The following RYR2 variants were observed in gnomAD, a reference collection of about 807,000 sequenced individuals.
The protein encoded by RYR2 is ryanodine receptor 2, also known as cardiac muscle ryanodine receptor-calcium release channel.
A neutral mutation model predicts 601.1 loss-of-function variants in RYR2; 227 were observed. That is an observed-to-expected ratio of 0.38 (90% CI 0.34 to 0.42). The LOEUF (loss-of-function observed/expected upper bound fraction) is 0.42. Among genes scored for constraint, RYR2 ranks in the 10% least tolerant of loss-of-function variants. The pLI is 1.00. For missense variants in RYR2, 4,646 were observed against 6,156.5 expected (o/e 0.75, Z 8.21); for synonymous variants, 2,223 against 2,175.1 (o/e 1.02, Z -0.61).
chr1:237,353,352 T>C (rs1469128899), intron 3 of RYR2, among the ~76,000 whole-genome samples: 1 of 151,682 alleles, frequency 6.6e-6, no homozygotes, highest in East Asian at 1.9e-4. Context: ...CTACTAAAAA[T>C]ACAAAAATTA....
Position 237,572,045 on chromosome 1 carries a change from C to T in RYR2, c.3598+2726C>T, listed in dbSNP as rs1046025185. On this transcript the variant is annotated intron_variant, in intron 29 of 104. Coordinates refer to ENST00000366574, the MANE Select transcript of RYR2 (RefSeq NM_001035.3). ...GTGCTATCAAATATTAGGTCTTATTCATTTTTTCTAACTATTTTTATACCC... is the reference window on the plus strand; with the variant it reads ...GTGCTATCAAATATTAGGTCTTATTTATTTTTTCTAACTATTTTTATACCC... Among the ~76,000 whole-genome samples the T allele has an allele frequency of 3.3e-5, 5 of 152,260 alleles. 1 individual carries two copies. The highest frequency in any genetic ancestry group is 2.6e-4 in the Admixed American group (4 of 15,288).
At chr1:237,521,284 T>A (rs1480470155) in intron 24 of RYR2, among the ~76,000 whole-genome samples, 1 of 152,140 alleles carries the variant, frequency 6.6e-6, no homozygotes, top group African/African-American at 2.4e-5. Context: ...CTGATTAACA[T>A]AGACACAACA....
chr1:237,638,949 A>T (rs1681160732), intron 45 of RYR2, 66 bp from the exon 46 acceptor site: 4 of 1,535,816 alleles, frequency 2.6e-6, no homozygotes, highest in Non-Finnish European at 3.6e-6. Context: ...GATTAGTATA[A>T]CATTTATTTG....
At chr1:237,314,496 G>A (rs540143075) in intron 2 of RYR2, among the ~76,000 whole-genome samples, 3 of 152,176 alleles carry the variant, frequency 2.0e-5, no homozygotes, top group African/African-American at 7.2e-5. Context: ...TTAAAAAGTG[G>A]TACTAGCCTT....
intron 27 of RYR2, among the ~76,000 whole-genome samples, chr1:237,559,683 C>T (rs1408562120): frequency 6.6e-6 from 1 of 152,200 alleles, no homozygotes; most frequent in African/African-American, 2.4e-5. Flanking sequence ...CTGCTTTTTA[C>T]CCCTTTATGT....
At position 237,656,929 on chromosome 1, in the gene RYR2, G is replaced by A. The variant is rs111951883; in HGVS notation, c.8129+945G>A. On this transcript the variant is annotated intron_variant, in intron 53 of 104. Transcript: ENST00000366574. ...ATGATTGATCTTTTGTATCTCTTCCGAAGTAAGTAAACCAAACTATCACAT... is the reference window on the plus strand; with the variant it reads ...ATGATTGATCTTTTGTATCTCTTCCAAAGTAAGTAAACCAAACTATCACAT... 4.8e-3 allele frequency among the ~76,000 whole-genome samples: 734 copies of A among 152,226 alleles called. 3 individuals are homozygous for A. The highest frequency in any genetic ancestry group is 0.021 in the East Asian group (110 of 5,184).
rs1426151116 is a variant in RYR2 at position 237,650,105 on chromosome 1, G to C, written c.7733+8G>C. The C allele has an allele frequency of 6.2e-7, 1 of 1,607,292 alleles. No individual in the cohort carries two copies. On this transcript the variant is annotated splice_region_variant and intron_variant, in intron 50 of 104. Transcript: ENST00000366574. ...TTTACTCTCTATTTGTGGGTGAGTG[G>C]ATAACAAATTCTATTCCGGCTTCTT...
chr1:237,506,159 CT>C (rs1296339827), intron 22 of RYR2, among the ~76,000 whole-genome samples: 8 of 101,174 alleles, frequency 7.9e-5, no homozygotes, highest in Non-Finnish European at 1.8e-4. Context: ...CCCACCAACA[CT>C]CCTTTTTTTT....
At position 237,481,134 on chromosome 1, in the gene RYR2, A is replaced by G. The variant is rs1662043883; in HGVS notation, c.1709-10672A>G. ...TATATATATATATATATACACACAC[A>G]TATATATATTCATATCAATTTATTT... On this transcript the variant is annotated intron_variant, in intron 17 of 104. Coordinates refer to ENST00000366574, the MANE Select transcript of RYR2 (RefSeq NM_001035.3). Among the ~76,000 whole-genome samples the G allele has an allele frequency of 4.4e-5, 6 of 135,258 alleles. No individual in the cohort carries two copies. In the South Asian group the frequency reaches 1.3e-3, roughly 30 times the overall value. 88.7% of individuals were successfully genotyped at this position (135,258 alleles called of 152,430 possible).
intron 54 of RYR2, among the ~76,000 whole-genome samples, chr1:237,659,369 A>G (rs1368734231): frequency 6.6e-6 from 1 of 152,228 alleles, no homozygotes; most frequent in Admixed American, 6.5e-5. Flanking sequence ...TTCCAGTCTA[A>G]TTACTCAGAT....
At chr1:237,344,625 G>T (rs538963993) in intron 3 of RYR2, among the ~76,000 whole-genome samples, 1 of 151,936 alleles carries the variant, frequency 6.6e-6, no homozygotes, top group Non-Finnish European at 1.5e-5. Flanking sequence ...ATTTCTACTC[G>T]TAGAGTTCCT....
At chr1:237,593,025 A>G (rs1675400844) in intron 32 of RYR2, among the ~76,000 whole-genome samples, 1 of 151,908 alleles carries the variant, frequency 6.6e-6, no homozygotes, top group Non-Finnish European at 1.5e-5. Flanking sequence ...TATCTCAAAA[A>G]AAAAAAAAAA....
chr1:237,592,429 T>G (rs1675307235), intron 32 of RYR2, among the ~76,000 whole-genome samples: 2 of 151,980 alleles, frequency 1.3e-5, no homozygotes, highest in African/African-American at 4.8e-5. Flanking sequence ...GGTCAAGAGT[T>G]CAAGACCAGC....
chr1:237,610,674 C>T lies in RYR2; in HGVS notation c.4684-88C>T. 1 of 1,067,692 alleles carries T rather than the reference C, an allele frequency of 9.4e-7. No homozygotes were observed. Among genetic ancestry groups the T allele is most frequent in the Non-Finnish European group, 1.4e-6 (1 of 729,964 alleles). 66.1% of individuals were successfully genotyped at this position (1,067,692 alleles called of 1,614,324 possible). ...CATAGGGTTATCTTACTTTCCCTGT[C>T]TCTGTCCTGTGCAGAATTCTAGTCA... On this transcript the variant is annotated intron_variant, in intron 35 of 104. Transcript: ENST00000366574. The surrounding 1 kb of genome is among the most constrained non-coding windows in gnomAD (Gnocchi z 4.9).
intron 3 of RYR2, among the ~76,000 whole-genome samples, chr1:237,334,111 T>C (rs112932479): frequency 8.3e-4 from 126 of 152,350 alleles, no homozygotes; most frequent in African/African-American, 2.9e-3. Flanking sequence ...TTTTTCCATT[T>C]AGAACCATGC....
chr1:237,522,432 T>C (rs1446485101), intron 24 of RYR2, among the ~76,000 whole-genome samples: 1 of 152,234 alleles, frequency 6.6e-6, no homozygotes, highest in Non-Finnish European at 1.5e-5. Flanking sequence ...TTGCCAGATC[T>C]AAGGTCAGGT....
rs1443388921 is a variant in RYR2 at position 237,614,883 on chromosome 1, TA to T, written c.5715+42del. The T allele has an allele frequency of 2.6e-6, 4 of 1,520,538 alleles. No individual in the cohort carries two copies. Among genetic ancestry groups the T allele is most frequent in the Non-Finnish European group, 1.8e-6 (2 of 1,134,972 alleles). The allele number at this position is 1,520,538 out of a possible 1,614,324, so 94.2% of individuals were successfully genotyped here. A position where few individuals can be genotyped will look rare whatever the true frequency, so the allele number is the denominator to read the frequency against. On this transcript the variant is annotated intron_variant, in intron 37 of 104. Coordinates refer to ENST00000366574, the MANE Select transcript of RYR2 (RefSeq NM_001035.3). This position sits in a 1 kb window ranked among gnomAD's most constrained non-coding sequence, Gnocchi z 4.3. ...AGACTTGAGTGAATTTCAGAATTGCTAAGCATTAAGGTATTAGAACATGCCT... is the reference window on the plus strand; with the variant it reads ...AGACTTGAGTGAATTTCAGAATTGCTAGCATTAAGGTATTAGAACATGCCT...
At chr1:237,598,506 G>T (rs886572590) in intron 34 of RYR2, among the ~76,000 whole-genome samples, 30 of 152,092 alleles carry the variant, frequency 2.0e-4, no homozygotes, top group Non-Finnish European at 4.1e-4. Flanking sequence ...ATACTGAGAG[G>T]AACTGAGGAA....
At chr1:237,612,665 C>T (rs186935085) in intron 36 of RYR2, among the ~76,000 whole-genome samples, 128 of 151,804 alleles carry the variant, frequency 8.4e-4, no homozygotes, top group Middle Eastern at 3.4e-3. Context: ...AAGAAAATAC[C>T]GAACAACCAA....
Sources: gnomAD v4.1 joint callset for allele counts (sites outside exome capture counted in the v4.1 genomes callset) on GRCh38, gnomAD v4.1.1 for gene constraint, Gnocchi (gnomAD v3.1) non-coding constraint, MANE v1.5 for transcripts, NCBI Gene and HGNC (gene_info 2026-07-23, HGNC 2026-07-21) for gene names.